The following PCSK6 variants were observed in gnomAD, a reference collection of about 807,000 sequenced individuals.
The protein encoded by PCSK6 is proprotein convertase subtilisin/kexin type 6.
Under a neutral mutation model 123.3 loss-of-function variants are expected in PCSK6, and 85 were observed. That is an observed-to-expected ratio of 0.69 (90% confidence interval 0.58 to 0.83). PCSK6 has a LOEUF of 0.83. Among genes scored for constraint, PCSK6 ranks in the 40% least tolerant of loss-of-function variants. The pLI, the probability that PCSK6 is intolerant of heterozygous loss-of-function variation, is 0.00. For missense variants in PCSK6, 1,191 were observed against 1,282.3 expected (o/e 0.93, Z 1.09); for synonymous variants, 508 against 516.0 (o/e 0.98, Z 0.21).
chr15:101,391,600 G>A (rs759650455), intron 8 of PCSK6, among the ~76,000 whole-genome samples: 1 of 152,192 alleles, frequency 6.6e-6, no homozygotes, highest in African/African-American at 2.4e-5. Context: ...GACATCCCTC[G>A]CTCCAGGTGG....
intron 9 of PCSK6, among the ~76,000 whole-genome samples, chr15:101,386,273 C>T (rs1412046019): frequency 6.6e-6 from 1 of 152,150 alleles, no homozygotes; most frequent in African/African-American, 2.4e-5. Context: ...GCTGAAGTAC[C>T]CAGCTGCCCC....
chr15:101,344,732 A>G (rs2040691872), intron 13 of PCSK6, among the ~76,000 whole-genome samples: 1 of 152,034 alleles, frequency 6.6e-6, no homozygotes, highest in Admixed American at 6.5e-5. Flanking sequence ...GCTCATTCCA[A>G]CCTCTGCCTT....
rs368424313 is a variant in PCSK6, at chr15:101,362,157, C to T, written c.1858+4039G>A. On this transcript the variant is annotated intron_variant, in intron 13 of 21. Transcript: ENST00000611716. Reference sequence around the variant, plus strand: ...ATTGTTAGTAGAGATGGGGTTTCACCATGTTGGCCAGGATGGTCTCGATCT... The same window carrying T: ...ATTGTTAGTAGAGATGGGGTTTCACTATGTTGGCCAGGATGGTCTCGATCT... 1.2e-3 allele frequency among the ~76,000 whole-genome samples: 185 copies of T among 152,158 alleles called. 6 individuals are homozygous for T. In the East Asian group the frequency reaches 0.029, roughly 24 times the overall value.
intron 17 of PCSK6, among the ~76,000 whole-genome samples, chr15:101,323,364 C>G (rs926787120): frequency 2.0e-5 from 3 of 152,190 alleles, no homozygotes; most frequent in Admixed American, 6.5e-5. Flanking sequence ...TTGCAAAGGT[C>G]TGGCTGGCAG....
chr15:101,403,021 C>T (rs1177516153), intron 6 of PCSK6, among the ~76,000 whole-genome samples: 2 of 152,016 alleles, frequency 1.3e-5, no homozygotes, highest in African/African-American at 2.4e-5. Context: ...GGAACCAACC[C>T]AAATGTCCAA....
intron 1 of PCSK6, among the ~76,000 whole-genome samples, chr15:101,480,882 G>A (rs531021347): frequency 7.9e-5 from 12 of 151,598 alleles, no homozygotes; most frequent in African/African-American, 2.4e-4. Flanking sequence ...ATGAGAAAGC[G>A]ATGGTGGGGG....
chr15:101,370,635 T>C lies in PCSK6; in HGVS notation c.1533-112A>G, dbSNP rs572876421. The C allele has an allele frequency of 3.2e-4, 331 of 1,024,608 alleles. 3 individuals are homozygous for C. The highest frequency in any genetic ancestry group is 2.9e-3 in the South Asian group (102 of 34,930). The allele number at this position is 1,024,608 out of a possible 1,614,324, so 63.5% of individuals were successfully genotyped here. A position where few individuals can be genotyped will look rare whatever the true frequency, so the allele number is the denominator to read the frequency against. On this transcript the variant is annotated intron_variant, in intron 11 of 21. Coordinates refer to ENST00000611716, the MANE Select transcript of PCSK6 (RefSeq NM_002570.5). ...TATCCCCACTGCAGCCTCAGGGCCC[T>C]GCGGGCCCCGGGGAGCCGCAGCAGC...
At chr15:101,368,022 G>A (rs1360410181) in intron 12 of PCSK6, among the ~76,000 whole-genome samples, 1 of 152,162 alleles carries the variant, frequency 6.6e-6, no homozygotes, top group Non-Finnish European at 1.5e-5. Context: ...ACAAGAGTTG[G>A]CCAGGTTGGT....
Position 101,324,999 on chromosome 15 carries a change from G to T in PCSK6, c.2228C>A (p.Ala743Glu), listed in dbSNP as rs1210362996. 1.9e-6 allele frequency: 3 copies of T among 1,612,302 alleles called. No homozygotes were observed. The highest frequency in any genetic ancestry group is 1.6e-4 in the Middle Eastern group (1 of 6,084). The change falls in exon 17 of 22, where the codon GCA (alanine) becomes GAA (glutamate). Residue 743 changes from alanine (A) to glutamate (E), a missense_variant. Physicochemically the swap from Ala to Glu is moderately radical, Grantham distance 107. Transcript: ENST00000611716. ...CTTGTGGCACCGGCGACAGCGTCTT[G>T]CTGCTGTGTCCCCAAAGTAGCCCAA... ...CPLGYFGDTA[A>E]RRCRRCHKGC...
intron 6 of PCSK6, among the ~76,000 whole-genome samples, chr15:101,404,397 C>A (rs902161315): frequency 6.6e-6 from 1 of 152,162 alleles, no homozygotes. Context: ...TGGGGTCTTT[C>A]CCAAATCTGT....
At chr15:101,411,123 T>C (rs946129976) in intron 6 of PCSK6, among the ~76,000 whole-genome samples, 6 of 152,132 alleles carry the variant, frequency 3.9e-5, no homozygotes, top group African/African-American at 1.2e-4. Context: ...CTTGAGGCAC[T>C]GAGGAAAGAC....
intron 7 of PCSK6, among the ~76,000 whole-genome samples, chr15:101,396,547 G>A (rs1439848128): frequency 6.6e-6 from 1 of 152,140 alleles, no homozygotes; most frequent in East Asian, 1.9e-4. Flanking sequence ...TAATTTTTAG[G>A]ATGTCTCGCT....
rs562964634 is a variant in PCSK6 at position 101,351,549 on chromosome 15, A to G, written c.1858+14647T>C. 2.2e-3 allele frequency among the ~76,000 whole-genome samples: 341 copies of G among 152,356 alleles called. 2 individuals are homozygous for G. Among genetic ancestry groups the G allele is most frequent in the African/African-American group, 7.9e-3 (330 of 41,588 alleles). ...ACCAGAATTCGGCAAAAATCAATGA[A>G]AGCAGTCTCTGAGAATCAACTGGCT... is the stretch of plus-strand genomic sequence containing the variant. On this transcript the variant is annotated intron_variant, in intron 13 of 21. Transcript: ENST00000611716.
At chr15:101,353,113 G>A (rs1324010624) in intron 13 of PCSK6, among the ~76,000 whole-genome samples, 2 of 152,176 alleles carry the variant, frequency 1.3e-5, no homozygotes, top group Admixed American at 6.5e-5. Flanking sequence ...TAAAACATAA[G>A]GAAATAACTA....
chr15:101,416,773 A>T (rs1030819631), intron 6 of PCSK6, among the ~76,000 whole-genome samples: 1 of 152,238 alleles, frequency 6.6e-6, no homozygotes, highest in Non-Finnish European at 1.5e-5. Context: ...TGGGAGCCCC[A>T]AGCTTTGGCA....
chr15:101,405,031 G>A (rs1467364996), intron 6 of PCSK6, among the ~76,000 whole-genome samples: 1 of 152,180 alleles, frequency 6.6e-6, no homozygotes, highest in Non-Finnish European at 1.5e-5. Context: ...TGATGTGTGG[G>A]AAAGCAAGCA....
chr15:101,370,212 G>T, intron 12 of PCSK6, 123 bp downstream of exon 12: 1 of 744,360 alleles, frequency 1.3e-6, no homozygotes, highest in Non-Finnish European at 1.9e-6. Context: ...AGCAGAACCA[G>T]TGGGAGTCCC....
At chr15:101,428,690 T>C (rs2056343336) in intron 5 of PCSK6, among the ~76,000 whole-genome samples, 1 of 152,208 alleles carries the variant, frequency 6.6e-6, no homozygotes, top group Non-Finnish European at 1.5e-5. Context: ...TAGCACATCT[T>C]TGAGAAGAGT....
rs560258297 is a variant in PCSK6 at position 101,430,328 on chromosome 15, C to T, written c.658-265G>A. ...CTACCCATCTCCAGAACCCTTTCAA[C>T]CTGCAAAACCCCACACCCACTCAAC... On this transcript the variant is annotated intron_variant, in intron 4 of 21. Transcript: ENST00000611716. Among the ~76,000 whole-genome samples, 8 of 152,252 alleles carry T rather than the reference C, an allele frequency of 5.3e-5. No homozygotes were observed. The South Asian group carries it at 1.7e-3, about 32-fold the overall frequency.
Sources: allele counts gnomAD v4.1 joint callset (sites outside exome capture counted in the v4.1 genomes callset), GRCh38; gene constraint gnomAD v4.1.1; transcripts MANE v1.5; gene names NCBI Gene and HGNC (gene_info 2026-07-23, HGNC 2026-07-21).